CPPED1: variants seen among roughly 807,000 people sequenced by gnomAD.
The protein encoded by CPPED1 is calcineurin like phosphoesterase domain containing 1.
Under a neutral mutation model 28.0 loss-of-function variants are expected in CPPED1, and 28 were observed. That is an observed-to-expected ratio of 1.00 (90% CI 0.74 to 1.37). The LOEUF (loss-of-function observed/expected upper bound fraction) is 1.37, where lower values mean the gene tolerates loss of function less well. Ranked by LOEUF, CPPED1 falls within the 40% of genes most tolerant of loss-of-function variation. CPPED1 has a pLI of 0.00. For synonymous variants in CPPED1, 198 were observed against 180.2 expected, an observed-to-expected ratio of 1.10 and a Z score of -0.79; for missense variants, 504 against 416.5, an observed-to-expected ratio of 1.21 and a Z score of -1.83.
chr16:12,796,182 C>G (rs2080626725), intron 1 of CPPED1, among the ~76,000 whole-genome samples: 1 of 151,752 alleles, frequency 6.6e-6, no homozygotes, highest in Non-Finnish European at 1.5e-5. Flanking sequence ...TAGAAAAAGA[C>G]AGCAAAGTCA....
At chr16:12,691,403 G>A (rs1334721646) in intron 3 of CPPED1, among the ~76,000 whole-genome samples, 2 of 152,144 alleles carry the variant, frequency 1.3e-5, no homozygotes, top group Non-Finnish European at 2.9e-5. Flanking sequence ...AGCCTCTCAA[G>A]TAGCTAGGAT....
At chr16:12,692,639 C>T (rs541334236) in intron 3 of CPPED1, among the ~76,000 whole-genome samples, 25 of 152,212 alleles carry the variant, frequency 1.6e-4, no homozygotes, top group African/African-American at 5.1e-4. Flanking sequence ...TGTGGGGTTG[C>T]GGTGGAGGTT....
intron 2 of CPPED1, chr16:12,761,224 C>A (rs2141226730): frequency 6.8e-6 from 1 of 147,392 alleles, no homozygotes; most frequent in East Asian, 2.0e-4. Context: ...TTGCAGTGAG[C>A]CGAGATTGCG....
At chr16:12,676,593 G>A (rs1295314929) in intron 3 of CPPED1, among the ~76,000 whole-genome samples, 1 of 152,120 alleles carries the variant, frequency 6.6e-6, no homozygotes, top group Non-Finnish European at 1.5e-5. Context: ...CACAGGCTCT[G>A]TCCACCATCT....
intron 1 of CPPED1, among the ~76,000 whole-genome samples, chr16:12,789,915 G>A (rs2080586439): frequency 6.6e-6 from 1 of 152,158 alleles, no homozygotes; most frequent in Non-Finnish European, 1.5e-5. Context: ...AGAGTCACCT[G>A]TTGTATAGAG....
At chr16:12,795,615 C>A (rs1190982677) in intron 1 of CPPED1, among the ~76,000 whole-genome samples, 1 of 152,064 alleles carries the variant, frequency 6.6e-6, no homozygotes, top group Non-Finnish European at 1.5e-5. Context: ...GTTAGGATTA[C>A]AGGCGTGAGC....
In CPPED1 at chr16:12,744,466, C is replaced by G. The variant is rs574423773; in HGVS notation, c.289+36719G>C. Among the ~76,000 whole-genome samples the G allele has an allele frequency of 3.3e-5, 5 of 152,294 alleles. No homozygotes were observed. The South Asian group carries it at 1.0e-3, about 32-fold the overall frequency. ...CCTCCTGCCTGGAAGAATTAAAAAA[C>G]TGGACAAGAAACACGAAGCCACAGT... On this transcript the variant is annotated intron_variant, in intron 2 of 3. Coordinates refer to ENST00000381774, the MANE Select transcript of CPPED1 (RefSeq NM_018340.3).
At chr16:12,737,436 C>A (rs1001991495) in intron 2 of CPPED1, among the ~76,000 whole-genome samples, 1 of 152,144 alleles carries the variant, frequency 6.6e-6, no homozygotes, top group Non-Finnish European at 1.5e-5. Flanking sequence ...CCCAGAGTGA[C>A]AGGAGATACA....
intron 2 of CPPED1, among the ~76,000 whole-genome samples, chr16:12,743,717 C>T (rs1032713301): frequency 6.6e-6 from 1 of 152,172 alleles, no homozygotes; most frequent in Non-Finnish European, 1.5e-5. Flanking sequence ...ATACGAAAGA[C>T]ACTCGGCTGA....
Position 12,774,393 on chromosome 16 carries a change from G to A in CPPED1, c.289+6792C>T, listed in dbSNP as rs550515364. ...TGAGGCAGGAGAATCACTTGAACCC[G>A]GGAGGCAGAGGTTGCAGTGAGCCGA... On this transcript the variant is annotated intron_variant, in intron 2 of 3. Transcript: ENST00000381774. 3.9e-5 allele frequency among the ~76,000 whole-genome samples: 6 copies of A among 152,030 alleles called. No homozygotes were observed. In the South Asian group the frequency reaches 1.0e-3, roughly 26 times the overall value.
intron 2 of CPPED1, among the ~76,000 whole-genome samples, chr16:12,775,797 C>G (rs1266349874): frequency 6.6e-6 from 1 of 152,142 alleles, no homozygotes; most frequent in Admixed American, 6.5e-5. Flanking sequence ...TTGGGAAAAG[C>G]AATTCACTGC....
At chr16:12,797,198 T>C (rs1356814769) in intron 1 of CPPED1, among the ~76,000 whole-genome samples, 1 of 152,178 alleles carries the variant, frequency 6.6e-6, no homozygotes, top group East Asian at 1.9e-4. Context: ...ATAAAATCCC[T>C]TGAGTTGTAA....
intron 2 of CPPED1, among the ~76,000 whole-genome samples, chr16:12,716,405 A>G (rs1026910650): frequency 2.0e-5 from 3 of 152,390 alleles, no homozygotes; most frequent in African/African-American, 7.2e-5. Flanking sequence ...GGACAATTAC[A>G]TGCAGATTCA....
At chr16:12,712,253 C>T (rs985707574) in intron 2 of CPPED1, among the ~76,000 whole-genome samples, 3 of 152,124 alleles carry the variant, frequency 2.0e-5, no homozygotes, top group Admixed American at 6.5e-5. Flanking sequence ...GAAACAGAGT[C>T]GATGGGGCTC....
At chr16:12,727,903 A>C (rs2080177951) in intron 2 of CPPED1, among the ~76,000 whole-genome samples, 1 of 152,196 alleles carries the variant, frequency 6.6e-6, no homozygotes, top group South Asian at 2.1e-4. Flanking sequence ...TGGTATGCAA[A>C]AATTTGTTCA....
intron 2 of CPPED1, among the ~76,000 whole-genome samples, chr16:12,752,029 A>C (rs1180278183): frequency 2.6e-5 from 4 of 152,088 alleles, no homozygotes; most frequent in African/African-American, 9.7e-5. Flanking sequence ...GTTTTGTCTG[A>C]CTCCCCAGGT....
intron 2 of CPPED1, among the ~76,000 whole-genome samples, chr16:12,779,158 A>G (rs1158090339): frequency 6.6e-6 from 1 of 152,184 alleles, no homozygotes; most frequent in African/African-American, 2.4e-5. Context: ...AGTGAGCCCT[A>G]TAACATTCTG....
At chr16:12,789,916 T>G (rs1394778557) in intron 1 of CPPED1, among the ~76,000 whole-genome samples, 1 of 152,186 alleles carries the variant, frequency 6.6e-6, no homozygotes, top group Non-Finnish European at 1.5e-5. Context: ...GAGTCACCTG[T>G]TGTATAGAGA....
At chr16:12,685,933 C>A (rs1237512331) in intron 3 of CPPED1, among the ~76,000 whole-genome samples, 1 of 152,218 alleles carries the variant, frequency 6.6e-6, no homozygotes, top group Non-Finnish European at 1.5e-5. Flanking sequence ...AGAATTGCAT[C>A]AGCCAGCTGA....
Sources: allele counts gnomAD v4.1 joint callset (sites outside exome capture counted in the v4.1 genomes callset), GRCh38; gene constraint gnomAD v4.1.1; transcripts MANE v1.5; gene names NCBI Gene and HGNC (gene_info 2026-07-23, HGNC 2026-07-21).